The following MSRB3 variants were observed in gnomAD, a reference collection of about 807,000 sequenced individuals.
MSRB3 encodes the protein methionine-R-sulfoxide reductase B3.
In MSRB3, 13 loss-of-function variants were observed where a neutral mutation model predicts 21.0. That is an observed-to-expected ratio of 0.62 (90% confidence interval 0.40 to 0.98). The LOEUF (loss-of-function observed/expected upper bound fraction) is 0.98, where lower values mean the gene tolerates loss of function less well. Ranked by LOEUF, MSRB3 falls within the 50% of genes least tolerant of loss-of-function variation. MSRB3 has a pLI of 0.00. For missense variants in MSRB3, 199 were observed against 230.3 expected (o/e 0.86, Z 0.88); for synonymous variants, 87 against 88.6 (o/e 0.98, Z 0.10).
At chr12:65,360,935 T>G (rs1176088715) in intron 4 of MSRB3, among the ~76,000 whole-genome samples, 1 of 152,160 alleles carries the variant, frequency 6.6e-6, no homozygotes, top group African/African-American at 2.4e-5. Context: ...CCTTCCCTCT[T>G]AAACATTTCC....
At chr12:65,455,389 A>G (rs935573635) in intron 6 of MSRB3, among the ~76,000 whole-genome samples, 14 of 152,186 alleles carry the variant, frequency 9.2e-5, no homozygotes, top group African/African-American at 3.1e-4. Flanking sequence ...TGATGGTGAT[A>G]GTGGAACTTT....
chr12:65,438,422 G>A (rs1411066617), intron 5 of MSRB3, among the ~76,000 whole-genome samples: 1 of 151,854 alleles, frequency 6.6e-6, no homozygotes, highest in African/African-American at 2.4e-5. Context: ...GACCTATAGA[G>A]GAACTCAAGT....
At chr12:65,352,570 G>A (rs1269673956) in intron 4 of MSRB3, among the ~76,000 whole-genome samples, 7 of 151,682 alleles carry the variant, frequency 4.6e-5, no homozygotes, top group Non-Finnish European at 7.4e-5. Flanking sequence ...AAACCCCATT[G>A]TCTCAGCCCA....
chr12:65,441,606 C>T (rs1160545870), intron 5 of MSRB3, among the ~76,000 whole-genome samples: 1 of 151,898 alleles, frequency 6.6e-6, no homozygotes, highest in African/African-American at 2.4e-5. Flanking sequence ...TTATCTTTCC[C>T]TTCCTGGAGC....
At chr12:65,430,426 G>C (rs989126460) in intron 5 of MSRB3, among the ~76,000 whole-genome samples, 2 of 152,156 alleles carry the variant, frequency 1.3e-5, no homozygotes, top group African/African-American at 4.8e-5. Context: ...AGATTAAACA[G>C]AGGGCTTTCA....
At chr12:65,282,772 A>T (rs1459746250) in intron 1 of MSRB3, among the ~76,000 whole-genome samples, 5 of 148,774 alleles carry the variant, frequency 3.4e-5, no homozygotes, top group Non-Finnish European at 7.4e-5. Flanking sequence ...TATATTATTG[A>T]GCCTTGATCC....
At chr12:65,393,318 G>A (rs1976274) in intron 5 of MSRB3, among the ~76,000 whole-genome samples, 88,958 of 151,950 alleles carry the variant, frequency 0.59, 26,882 homozygotes, top group South Asian at 0.71. Flanking sequence ...TCAACCTTTC[G>A]TTTTATTATA....
At chr12:65,301,283 G>A (rs1873316950) in intron 1 of MSRB3, among the ~76,000 whole-genome samples, 1 of 151,988 alleles carries the variant, frequency 6.6e-6, no homozygotes, top group Admixed American at 6.6e-5. Context: ...AACATACTGT[G>A]CAAATGCAAG....
intron 5 of MSRB3, among the ~76,000 whole-genome samples, chr12:65,436,216 C>T (rs927944072): frequency 1.3e-5 from 2 of 151,726 alleles, no homozygotes; most frequent in African/African-American, 4.8e-5. Context: ...TACAGATAAC[C>T]CACAGAAGTA....
At chr12:65,360,025 C>T (rs1401528647) in intron 4 of MSRB3, among the ~76,000 whole-genome samples, 1 of 152,004 alleles carries the variant, frequency 6.6e-6, no homozygotes, top group African/African-American at 2.4e-5. Context: ...TGAGGTCTCT[C>T]GTTGGCTTGT....
chr12:65,412,297 G>T (rs1298191355), intron 5 of MSRB3, among the ~76,000 whole-genome samples: 2 of 152,090 alleles, frequency 1.3e-5, no homozygotes, highest in Non-Finnish European at 2.9e-5. Context: ...GCAGTGTTAC[G>T]TATATTCCCA....
At chr12:65,393,489 C>T (rs1592594541) in intron 5 of MSRB3, among the ~76,000 whole-genome samples, 2 of 152,024 alleles carry the variant, frequency 1.3e-5, no homozygotes, top group African/African-American at 4.8e-5. Context: ...AAAAATTAGC[C>T]AGGCATGGTG....
chr12:65,383,440 T>G (rs113437027), intron 5 of MSRB3, among the ~76,000 whole-genome samples: 2,216 of 152,256 alleles, frequency 0.015, 51 homozygotes, highest in African/African-American at 0.05. Context: ...TTTTGATTAT[T>G]TTTTGCTTGC....
chr12:65,392,003 C>T (rs1026681477), intron 5 of MSRB3, among the ~76,000 whole-genome samples: 5 of 152,176 alleles, frequency 3.3e-5, no homozygotes, highest in Non-Finnish European at 7.3e-5. Context: ...AGTACTGTTA[C>T]GTGCACCTGG....
At chr12:65,447,414 C>T (rs1346041302) in intron 5 of MSRB3, among the ~76,000 whole-genome samples, 2 of 152,134 alleles carry the variant, frequency 1.3e-5, no homozygotes, top group African/African-American at 4.8e-5. Flanking sequence ...AATAAAACAA[C>T]TCTCTAGTTA....
At chr12:65,295,709 C>G (rs995370468) in intron 1 of MSRB3, among the ~76,000 whole-genome samples, 1 of 151,996 alleles carries the variant, frequency 6.6e-6, no homozygotes, top group Non-Finnish European at 1.5e-5. Context: ...AATTGGGAGG[C>G]TGTAAAATTC....
intron 6 of MSRB3, among the ~76,000 whole-genome samples, chr12:65,461,239 G>A (rs1471200099): frequency 1.3e-5 from 2 of 152,190 alleles, no homozygotes; most frequent in Admixed American, 1.3e-4. Context: ...TTGGTAGGCA[G>A]AAATGGGTGT....
intron 1 of MSRB3, among the ~76,000 whole-genome samples, chr12:65,292,331 C>T (rs1382949005): frequency 6.6e-6 from 1 of 152,164 alleles, no homozygotes; most frequent in Non-Finnish European, 1.5e-5. Context: ...AATATTGTAT[C>T]TACCACATAG....
At chr12:65,386,008 T>G (rs1303932982) in intron 5 of MSRB3, among the ~76,000 whole-genome samples, 2 of 152,100 alleles carry the variant, frequency 1.3e-5, no homozygotes, top group Non-Finnish European at 1.5e-5. Flanking sequence ...TTTAGTACAC[T>G]TTTGTCTCTG....
Sources: allele counts gnomAD v4.1 joint callset (sites outside exome capture counted in the v4.1 genomes callset), GRCh38; gene constraint gnomAD v4.1.1; transcripts MANE v1.5; gene names NCBI Gene and HGNC (gene_info 2026-07-23, HGNC 2026-07-21).